LLGL2: variants seen among roughly 807,000 people sequenced by gnomAD.
LLGL2 encodes the protein LLGL2, scribble cell polarity complex component.
A neutral mutation model predicts 123.2 loss-of-function variants in LLGL2; 81 were observed. The observed-to-expected ratio is 0.66, with a 90% CI of 0.55 to 0.79. The LOEUF (loss-of-function observed/expected upper bound fraction) is 0.79. Among genes scored for constraint, LLGL2 ranks in the 30% least tolerant of loss-of-function variants. LLGL2 has a pLI of 0.00. For missense variants in LLGL2, 1,273 were observed against 1,414.6 expected (o/e 0.90, Z 1.61); for synonymous variants, 577 against 594.1 (o/e 0.97, Z 0.42).
At chr17:75,574,011 C>G (rs1200800321) in intron 22 of LLGL2, 31 bp downstream of exon 22, 1 of 1,550,574 alleles carries the variant, frequency 6.4e-7, no homozygotes, top group Non-Finnish European at 8.7e-7. Flanking sequence ...TCATGCACAC[C>G]TGGGCCACAC....
rs2055107277 is a variant in LLGL2 at position 75,559,611 on chromosome 17, A to G, written c.530+201A>G. Among the ~76,000 whole-genome samples the G allele has an allele frequency of 6.6e-6, 1 of 152,216 alleles. No individual in the cohort carries two copies. The highest frequency in any genetic ancestry group is 1.5e-5 in the Non-Finnish European group (1 of 68,038). On this transcript the variant is annotated intron_variant, in intron 6 of 25. Coordinates refer to ENST00000392550, the MANE Select transcript of LLGL2 (RefSeq NM_001031803.2). This position sits in a 1 kb window ranked among gnomAD's most constrained non-coding sequence, Gnocchi z 4.6. ...TCATAGGTTAGCATCATAGCACTAA[A>G]AAGGGGGCTTTGAGGGTCCCTCGTC...
chr17:75,571,101 G>C lies in LLGL2; in HGVS notation c.2176+1G>C. Reference sequence around the variant, plus strand: ...TTTGCTGACACCTACCTGAAGGACAGTGAGTGGCCAGCCTGGGGTTGGGGG... The same window carrying C: ...TTTGCTGACACCTACCTGAAGGACACTGAGTGGCCAGCCTGGGGTTGGGGG... On this transcript the variant is annotated splice_donor_variant, in intron 17 of 25. Transcript: ENST00000392550. LOFTEE classifies it high-confidence loss of function. The C allele has an allele frequency of 6.2e-7, 1 of 1,608,530 alleles. No homozygotes were observed. Among genetic ancestry groups the C allele is most frequent in the Non-Finnish European group, 8.5e-7 (1 of 1,176,952 alleles).
chr17:75,571,141 G>GGC, intron 17 of LLGL2, 41 bp downstream of exon 17: 199 of 1,011,872 alleles, frequency 2.0e-4, no homozygotes, highest in Non-Finnish European at 2.8e-4. Flanking sequence ...GGGGTAGTGG[G>GGC]CAGCAGACAC....
intron 2 of LLGL2, chr17:75,546,196 G>C (rs2054415315): frequency 6.6e-6 from 1 of 152,464 alleles, no homozygotes; most frequent in African/African-American, 2.4e-5. Flanking sequence ...CAGGCCTTGG[G>C]AGGGGGAGCC....
chr17:75,569,996 G>T lies in LLGL2; in HGVS notation c.1615G>T (p.Glu539Ter), dbSNP rs541727805. 6.2e-7 allele frequency: 1 copy of T among 1,608,188 alleles called. No individual in the cohort carries two copies. Among genetic ancestry groups the T allele is most frequent in the Non-Finnish European group, 8.5e-7 (1 of 1,176,736 alleles). The change falls in exon 15 of 26, where the codon GAG (glutamate) becomes TAG (stop). Residue 539 changes from glutamate to a stop codon, truncating the protein, a stop_gained. Coordinates refer to ENST00000392550, the MANE Select transcript of LLGL2 (RefSeq NM_001031803.2). LOFTEE classifies it high-confidence loss of function. ...LVLELNDEAA[E>*]QAVEQVEADL... is the part of the protein sequence containing the mutation. ...ACTGGAACTGAATGACGAGGCAGCGGAGCAGGCTGTGGAGCAGGTGGAGGC... is the reference window on the plus strand; with the variant it reads ...ACTGGAACTGAATGACGAGGCAGCGTAGCAGGCTGTGGAGCAGGTGGAGGC...
At chr17:75,532,727 C>T (rs2053847900) in intron 1 of LLGL2, among the ~76,000 whole-genome samples, 1 of 152,026 alleles carries the variant, frequency 6.6e-6, no homozygotes, top group African/African-American at 2.4e-5. Flanking sequence ...GCCCAGCCCT[C>T]TAGTAAATAA....
Position 75,571,067 on chromosome 17 carries a change from A to AC in LLGL2, c.2146dup (p.Leu716ProfsTer5). On this transcript the variant is annotated frameshift_variant, in exon 17 of 26. Coordinates refer to ENST00000392550, the MANE Select transcript of LLGL2 (RefSeq NM_001031803.2). LOFTEE classifies it high-confidence loss of function. ...GGACTCCTTCACAGGCTTCGTCCGG[A>AC]CCCTGTACTTTGCTGACACCTACCT... 1 of 1,609,640 alleles carries AC rather than the reference A, an allele frequency of 6.2e-7. No individual in the cohort carries two copies. Among genetic ancestry groups the AC allele is most frequent in the Non-Finnish European group, 8.5e-7 (1 of 1,178,888 alleles).
chr17:75,556,749 T>C (rs1287810815), intron 3 of LLGL2, among the ~76,000 whole-genome samples: 1 of 152,216 alleles, frequency 6.6e-6, no homozygotes, highest in Non-Finnish European at 1.5e-5. Flanking sequence ...TCGCTAGGGA[T>C]GTTTTTAATT....
At chr17:75,556,520 G>T (rs902101222) in intron 3 of LLGL2, among the ~76,000 whole-genome samples, 5 of 152,128 alleles carry the variant, frequency 3.3e-5, no homozygotes, top group Non-Finnish European at 5.9e-5. Flanking sequence ...CCCCAGTCCC[G>T]GGCAGGGGGT....
Position 75,543,535 on chromosome 17 carries a change from G to A in LLGL2, c.75+34G>A, listed in dbSNP as rs182157446. ...GGGAGAGCAGGGAAGATGACCCCCA[G>A]GTTTTCGGCCAAGCAGCTCAGGCTG... On this transcript the variant is annotated intron_variant, in intron 2 of 25. Transcript: ENST00000392550. The A allele has an allele frequency of 1.8e-5, 29 of 1,592,056 alleles. No homozygotes were observed. The African/African-American group carries it at 3.1e-4, about 17-fold the overall frequency.
In LLGL2 at chr17:75,541,547, C is replaced by T. The variant is rs76521010; in HGVS notation, c.-30-1850C>T. Among the ~76,000 whole-genome samples the T allele has an allele frequency of 8.8e-3, 1,344 of 152,182 alleles. 22 individuals carry two copies. The highest frequency in any genetic ancestry group is 0.03 in the African/African-American group (1,252 of 41,510). Reference sequence around the variant, plus strand: ...TGCTCTTCCCCAGCAAAGTGGGATCCCCACCTCTGGTCTGACTCCTCCAAA... The same window carrying T: ...TGCTCTTCCCCAGCAAAGTGGGATCTCCACCTCTGGTCTGACTCCTCCAAA... On this transcript the variant is annotated intron_variant, in intron 1 of 25. Transcript: ENST00000392550.
intron 16 of LLGL2, 160 bp downstream of exon 16, chr17:75,570,658 T>G (rs2147548227): frequency 2.3e-6 from 1 of 432,348 alleles, no homozygotes; most frequent in Admixed American, 6.4e-5. Context: ...TCACGCTGCT[T>G]CTCTCTGCCT....
In LLGL2 at chr17:75,574,900, G is replaced by A. The variant is rs758113032; in HGVS notation, c.*22G>A. On this transcript the variant is annotated 3_prime_UTR_variant, in exon 26 of 26. Transcript: ENST00000392550. ...GTGAGTGGCTGAGCGTCCAGGCTGCGCGATGAGCACACACTACTACTGATG... is the reference window on the plus strand; with the variant it reads ...GTGAGTGGCTGAGCGTCCAGGCTGCACGATGAGCACACACTACTACTGATG... 19 of 1,613,848 alleles carry A rather than the reference G, an allele frequency of 1.2e-5. No homozygotes were observed. The highest frequency in any genetic ancestry group is 3.3e-5 in the Admixed American group (2 of 60,010).
rs1258727084 is a variant in LLGL2 at position 75,558,283 on chromosome 17, G to A, written c.255+47G>A. Reference sequence around the variant, plus strand: ...AGGAAGCCACTTCCATGCCCTCCTTGCCTTCACTGCTTCCAGCAGGGCTGG... The same window carrying A: ...AGGAAGCCACTTCCATGCCCTCCTTACCTTCACTGCTTCCAGCAGGGCTGG... On this transcript the variant is annotated intron_variant, in intron 4 of 25. Coordinates refer to ENST00000392550, the MANE Select transcript of LLGL2 (RefSeq NM_001031803.2). The surrounding 1 kb of genome is among the most constrained non-coding windows in gnomAD (Gnocchi z 4.0). The A allele has an allele frequency of 5.8e-6, 9 of 1,541,274 alleles. No homozygotes were observed. The Admixed American group carries it at 1.3e-4, about 23-fold the overall frequency.
chr17:75,568,424 G>A, intron 10 of LLGL2, 52 bp from the exon 11 acceptor site: 2 of 1,583,762 alleles, frequency 1.3e-6, no homozygotes, highest in Non-Finnish European at 8.6e-7. Flanking sequence ...ATTCCACAGA[G>A]CTGGGCTGCT....
At chr17:75,539,415 T>C (rs956697320) in intron 1 of LLGL2, among the ~76,000 whole-genome samples, 1 of 148,476 alleles carries the variant, frequency 6.7e-6, no homozygotes, top group Non-Finnish European at 1.5e-5. Flanking sequence ...GTCCTTTCCT[T>C]TTTTTTTTAG....
At chr17:75,533,295 G>C (rs1355764021) in intron 1 of LLGL2, among the ~76,000 whole-genome samples, 3 of 115,024 alleles carry the variant, frequency 2.6e-5, no homozygotes, top group East Asian at 5.2e-4. Context: ...CACCGCACCT[G>C]GCCCTTTTTT....
chr17:75,570,582 T>C, intron 16 of LLGL2, 84 bp downstream of exon 16: 1 of 1,454,230 alleles, frequency 6.9e-7, no homozygotes, highest in Non-Finnish European at 9.2e-7. Flanking sequence ...CGGCCCCTGC[T>C]CCCCAGGCTT....
intron 2 of LLGL2, among the ~76,000 whole-genome samples, chr17:75,550,376 G>C (rs987819983): frequency 2.0e-5 from 3 of 152,100 alleles, no homozygotes; most frequent in South Asian, 2.1e-4. Flanking sequence ...CCTAAACAAG[G>C]GGGGAGTCAC....
Sources: gnomAD v4.1 joint callset for allele counts (sites outside exome capture counted in the v4.1 genomes callset) on GRCh38, gnomAD v4.1.1 for gene constraint, Gnocchi (gnomAD v3.1) non-coding constraint, MANE v1.5 for transcripts, NCBI Gene and HGNC (gene_info 2026-07-23, HGNC 2026-07-21) for gene names.